The following GALNT9 variants were observed in gnomAD, a reference collection of about 807,000 sequenced individuals.
GALNT9 encodes polypeptide N-acetylgalactosaminyltransferase 9, also known as GalNAc transferase 9.
A neutral mutation model predicts 63.1 loss-of-function variants in GALNT9; 47 were observed. The observed-to-expected ratio is 0.75, with a 90% CI of 0.59 to 0.95. The LOEUF (loss-of-function observed/expected upper bound fraction) is 0.95. Among genes scored for constraint, GALNT9 ranks in the 40% least tolerant of loss-of-function variants. GALNT9 has a pLI of 0.00. For missense variants in GALNT9, 829 were observed against 874.8 expected (o/e 0.95, Z 0.66); for synonymous variants, 396 against 365.7 (o/e 1.08, Z -0.94).
chr12:132,230,134 A>G (rs901068563), intron 6 of GALNT9, among the ~76,000 whole-genome samples: 1,648 of 152,190 alleles, frequency 0.011, 30 homozygotes, highest in African/African-American at 0.037. Context: ...CAAAATTCAC[A>G]TACCACCAGG....
chr12:132,220,980 C>T (rs939078464), intron 6 of GALNT9, among the ~76,000 whole-genome samples: 1 of 144,744 alleles, frequency 6.9e-6, no homozygotes, highest in African/African-American at 2.6e-5. Context: ...TCACTTGAAC[C>T]TGGGAGGTGG....
intron 1 of GALNT9, among the ~76,000 whole-genome samples, chr12:132,312,927 G>T (rs1368829537): frequency 2.0e-5 from 3 of 152,086 alleles, no homozygotes; most frequent in African/African-American, 7.2e-5. Flanking sequence ...GGATGCACTG[G>T]GACCCAACCT....
rs781785908 is a variant in GALNT9 at position 132,310,136 on chromosome 12, G to C, written c.238+18830C>G. On this transcript the variant is annotated intron_variant, in intron 1 of 10. Coordinates refer to ENST00000328957, the MANE Select transcript of GALNT9 (RefSeq NM_001122636.2). The surrounding 1 kb of genome is among the most constrained non-coding windows in gnomAD (Gnocchi z 4.8). ...TGCCTGGAACCAGGACTCAATGCTCGGGGCTGGAGCAGCCAATGTGTGACC... is the reference window on the plus strand; with the variant it reads ...TGCCTGGAACCAGGACTCAATGCTCCGGGCTGGAGCAGCCAATGTGTGACC... Among the ~76,000 whole-genome samples the C allele has an allele frequency of 3.9e-5, 6 of 152,196 alleles. No homozygotes were observed. The highest frequency in any genetic ancestry group is 6.5e-5 in the Admixed American group (1 of 15,280).
At chr12:132,272,573 A>T (rs1053017514) in intron 2 of GALNT9, 3 of 152,236 alleles carry the variant, frequency 2.0e-5, no homozygotes, top group Non-Finnish European at 2.9e-5. Context: ...CACTCATCAC[A>T]AACCTTTGTA....
chr12:132,257,467 CCCCA>C, intron 5 of GALNT9, among the ~76,000 whole-genome samples: 1 of 149,086 alleles, frequency 6.7e-6, no homozygotes, highest in African/African-American at 2.5e-5. Context: ...CGGCCCTCGT[CCCCA>C]CGCCCTCGTC....
intron 8 of GALNT9, among the ~76,000 whole-genome samples, chr12:132,200,256 C>T (rs887417163): frequency 4.6e-5 from 7 of 152,126 alleles, no homozygotes; most frequent in African/African-American, 9.7e-5. Context: ...CTGGGACGCT[C>T]GAGTCTCATG....
chr12:132,260,880 C>T (rs375074787), intron 4 of GALNT9, 68 bp downstream of exon 4: 94 of 1,447,214 alleles, frequency 6.5e-5, no homozygotes, highest in Middle Eastern at 6.1e-4. Flanking sequence ...AGCCGCACGG[C>T]GGCTTAGGAG....
chr12:132,214,115 A>C (rs10794461), intron 6 of GALNT9, among the ~76,000 whole-genome samples: 119,836 of 152,142 alleles, frequency 0.79, 47,461 homozygotes, highest in East Asian at 1. Context: ...AGGGGCACTG[A>C]CCCCAAGGGC....
chr12:132,283,073 GTTCAGTCC>G (rs1330130409), intron 2 of GALNT9: 1 of 152,252 alleles, frequency 6.6e-6, no homozygotes, highest in Non-Finnish European at 1.5e-5. Flanking sequence ...CCCAGCTCGG[GTTCAGTCC>G]TGACTCAGAG....
At chr12:132,328,441 A>G (rs1760193512) in intron 1 of GALNT9, among the ~76,000 whole-genome samples, 1 of 152,198 alleles carries the variant, frequency 6.6e-6, no homozygotes, top group South Asian at 2.1e-4. Flanking sequence ...CACCCCCAGG[A>G]CAGGGGGCCG....
intron 5 of GALNT9, among the ~76,000 whole-genome samples, chr12:132,257,237 A>T (rs1566001769): frequency 6.6e-6 from 1 of 152,334 alleles, no homozygotes; most frequent in African/African-American, 2.4e-5. Flanking sequence ...TTTTGAATGA[A>T]GAAAAATAAC....
chr12:132,197,156 G>A lies in GALNT9; in HGVS notation c.1763C>T (p.Ser588Leu), dbSNP rs1429111888. Reference protein sequence around the residue: ...FGLRLVVQRCSGQKWMIRNWI... With the variant: ...FGLRLVVQRCLGQKWMIRNWI... ...GTTTCTGATCATCCACTTCTGCCCC[G>A]AGCACCTCTGTACCACCAGCCGGAG... The change falls in exon 11 of 11, where the codon TCG (serine) becomes TTG (leucine). Residue 588 changes from serine (S) to leucine (L), a missense_variant. By Grantham distance (145) the Ser-to-Leu change is moderately radical. Coordinates refer to ENST00000328957, the MANE Select transcript of GALNT9 (RefSeq NM_001122636.2). 3.1e-6 allele frequency: 5 copies of A among 1,614,106 alleles called. No individual in the cohort carries two copies. Among genetic ancestry groups the A allele is most frequent in the South Asian group, 2.2e-5 (2 of 91,084 alleles).
In GALNT9 at chr12:132,291,563, C is replaced by A. The variant is rs188202067; in HGVS notation, c.239-5133G>T. 3.3e-5 allele frequency among the ~76,000 whole-genome samples: 5 copies of A among 151,244 alleles called. No homozygotes were observed. In the East Asian group the frequency reaches 7.8e-4, roughly 24 times the overall value. ...ACACCACCGACATCCACAGCACCCA[C>A]AACCACAGCGCCCACGTCCACACCG... On this transcript the variant is annotated intron_variant, in intron 1 of 10. Coordinates refer to ENST00000328957, the MANE Select transcript of GALNT9 (RefSeq NM_001122636.2).
rs75948748 is a variant in GALNT9, at chr12:132,207,406, G to A, written c.1078-3716C>T. ...AGCCACTTACGGCCACTCTGTCCCC[G>A]GGGCCTTCTGTGGCGCTGGGGCGAT... is the stretch of plus-strand genomic sequence containing the variant. On this transcript the variant is annotated intron_variant, in intron 6 of 10. Transcript: ENST00000328957. Among the ~76,000 whole-genome samples, 1,066 of 152,326 alleles carry A rather than the reference G, an allele frequency of 7.0e-3. 14 individuals carry two copies. The highest frequency in any genetic ancestry group is 0.024 in the African/African-American group (987 of 41,574).
chr12:132,243,525 T>G (rs1282194616), intron 6 of GALNT9, among the ~76,000 whole-genome samples: 1 of 152,142 alleles, frequency 6.6e-6, no homozygotes, highest in Non-Finnish European at 1.5e-5. Context: ...TAGGGGCAGC[T>G]CTGGTGTTGT....
intron 6 of GALNT9, among the ~76,000 whole-genome samples, chr12:132,241,364 C>G (rs2136901327): frequency 8.4e-5 from 5 of 59,304 alleles, no homozygotes; most frequent in Non-Finnish European, 1.3e-4. Context: ...TCCCGGGGCC[C>G]TCCCTATACC....
At chr12:132,298,993 C>T (rs1475932165) in intron 1 of GALNT9, among the ~76,000 whole-genome samples, 3 of 149,546 alleles carry the variant, frequency 2.0e-5, no homozygotes, top group Non-Finnish European at 4.5e-5. Context: ...ACTCGGACCA[C>T]ACCTAACCCA....
chr12:132,300,981 G>T (rs1227506279), intron 1 of GALNT9, among the ~76,000 whole-genome samples: 1 of 152,278 alleles, frequency 6.6e-6, no homozygotes, highest in African/African-American at 2.4e-5. Flanking sequence ...AGCGGGCGAC[G>T]CATTCACAGC....
chr12:132,285,404 C>T (rs948993016), intron 2 of GALNT9, among the ~76,000 whole-genome samples: 2 of 152,252 alleles, frequency 1.3e-5, no homozygotes, highest in Non-Finnish European at 2.9e-5. Context: ...AAACTTTATC[C>T]GAGCAACAAT....
Sources: gnomAD v4.1 joint callset for allele counts (sites outside exome capture counted in the v4.1 genomes callset) on GRCh38, gnomAD v4.1.1 for gene constraint, Gnocchi (gnomAD v3.1) non-coding constraint, MANE v1.5 for transcripts, NCBI Gene and HGNC (gene_info 2026-07-23, HGNC 2026-07-21) for gene names.